Variants in TTC7A observed in about 807,000 individuals in gnomAD.
TTC7A encodes the protein tetratricopeptide repeat domain 7A.
TTC7A carries 110 observed loss-of-function variants against 103.7 expected under a neutral mutation model. The observed-to-expected ratio is 1.06, with a 90% confidence interval of 0.91 to 1.24. The LOEUF (loss-of-function observed/expected upper bound fraction) is 1.24. Among genes scored for constraint, TTC7A ranks in the 50% most tolerant of loss-of-function variants. TTC7A has a pLI of 0.00. For missense variants in TTC7A, 1,340 were observed against 1,116.3 expected, an observed-to-expected ratio of 1.20 and a Z score of -2.86; for synonymous variants, 521 against 467.9, an observed-to-expected ratio of 1.11 and a Z score of -1.47.
chr2:47,010,099 TAG>T (rs1209087977), intron 10 of TTC7A, among the ~76,000 whole-genome samples: 1 of 152,146 alleles, frequency 6.6e-6, no homozygotes, highest in Non-Finnish European at 1.5e-5. Context: ...ATCTGTAAAG[TAG>T]AGTCAGAGTA....
rs1164794848 is a variant in TTC7A, at chr2:47,007,226, T to TG, written c.1287+505dup. 6.6e-6 allele frequency among the ~76,000 whole-genome samples: 1 copy of TG among 152,028 alleles called. No individual in the cohort carries two copies. The highest frequency in any genetic ancestry group is 1.5e-5 in the Non-Finnish European group (1 of 68,004). ...GGGAGTACTGCATGATGCATGGGGCTGGGAGCACCTGCATGGGGACAGGGC... is the reference window on the plus strand; with the variant it reads ...GGGAGTACTGCATGATGCATGGGGCTGGGGAGCACCTGCATGGGGACAGGGC... On this transcript the variant is annotated intron_variant, in intron 10 of 19. Transcript: ENST00000319190. The surrounding 1 kb of genome is among the most constrained non-coding windows in gnomAD (Gnocchi z 4.9).
intron 3 of TTC7A, among the ~76,000 whole-genome samples, chr2:46,964,920 C>T (rs1193031400): frequency 6.6e-6 from 1 of 152,194 alleles, no homozygotes; most frequent in Non-Finnish European, 1.5e-5. Flanking sequence ...GGAGCACAGG[C>T]CCCTTGAGAA....
rs1209361011 is a variant in TTC7A, at chr2:47,075,292, T to TAG, written c.*1370_*1371insGA. The TAG allele has an allele frequency of 1.3e-5, 2 of 152,226 alleles. No individual in the cohort carries two copies. Among genetic ancestry groups the TAG allele is most frequent in the East Asian group, 3.8e-4 (2 of 5,198 alleles). 9.4% of individuals were successfully genotyped at this position (152,226 alleles called of 1,614,324 possible). A position where few individuals can be genotyped will look rare whatever the true frequency, so the allele number is the denominator to read the frequency against. On this transcript the variant is annotated 3_prime_UTR_variant, in exon 20 of 20. Coordinates refer to ENST00000319190, the MANE Select transcript of TTC7A (RefSeq NM_020458.4). ...TGAAGGATCTCTATGTATGTGTGTA[T>TAG]ATAAATATAGTTTTTTATCTATATA...
intron 5 of TTC7A, among the ~76,000 whole-genome samples, chr2:46,983,869 T>G: frequency 6.6e-6 from 1 of 152,176 alleles, no homozygotes; most frequent in East Asian, 1.9e-4. Context: ...CCCAAGGACC[T>G]GTATAGGCAC....
rs190203061 is a variant in TTC7A, at chr2:47,020,158, C to T, written c.1393-1704C>T. Among the ~76,000 whole-genome samples the T allele has an allele frequency of 5.2e-3, 794 of 152,240 alleles. 6 individuals carry two copies. Among genetic ancestry groups the T allele is most frequent in the Middle Eastern group, 0.024 (7 of 294 alleles). On this transcript the variant is annotated intron_variant, in intron 11 of 19. Transcript: ENST00000319190. ...AACCTCAGTGAAGGGCTGTGGGGAG[C>T]GGGGAGGAGCGGGGGTCCCACCTGC...
chr2:46,957,678 GCC>G lies in TTC7A; in HGVS notation c.517+672_517+673del, dbSNP rs556652365. 1.6e-3 allele frequency among the ~76,000 whole-genome samples: 238 copies of G among 152,292 alleles called. 1 individual carries two copies. Among genetic ancestry groups the G allele is most frequent in the African/African-American group, 5.5e-3 (227 of 41,564 alleles). On this transcript the variant is annotated intron_variant, in intron 3 of 19. Coordinates refer to ENST00000319190, the MANE Select transcript of TTC7A (RefSeq NM_020458.4). ...TGGACAGCCCAGCTGGGGGAATCGT[GCC>G]ATTTAACTGGACCCCAAATGTGTTC...
At chr2:47,036,159 G>A (rs1267781015) in intron 15 of TTC7A, among the ~76,000 whole-genome samples, 1 of 152,196 alleles carries the variant, frequency 6.6e-6, no homozygotes, top group Non-Finnish European at 1.5e-5. Context: ...GGCCAGTTGT[G>A]TCAGCCCAGA....
At chr2:47,071,640 G>C (rs1379049873) in intron 19 of TTC7A, among the ~76,000 whole-genome samples, 1 of 152,114 alleles carries the variant, frequency 6.6e-6, no homozygotes, top group Non-Finnish European at 1.5e-5. Context: ...GGCAGAGCTG[G>C]GATTCCAACC....
intron 8 of TTC7A, among the ~76,000 whole-genome samples, chr2:47,005,623 A>C (rs555749771): frequency 2.6e-5 from 4 of 152,224 alleles, no homozygotes; most frequent in Admixed American, 2.6e-4. Context: ...TTATGAGACT[A>C]TTCTTGCAAC....
intron 2 of TTC7A, among the ~76,000 whole-genome samples, chr2:46,931,535 A>G (rs923841304): frequency 2.0e-5 from 3 of 151,022 alleles, no homozygotes; most frequent in Non-Finnish European, 4.4e-5. Flanking sequence ...GAGTCAGAGT[A>G]GAGGTGCCCA....
At chr2:47,024,043 G>C (rs1388756696) in intron 13 of TTC7A, among the ~76,000 whole-genome samples, 1 of 151,820 alleles carries the variant, frequency 6.6e-6, no homozygotes, top group East Asian at 1.9e-4. Flanking sequence ...TGCCCTCCCA[G>C]ATGGCCCCTA....
intron 3 of TTC7A, among the ~76,000 whole-genome samples, chr2:46,971,659 G>T (rs1673368022): frequency 6.6e-6 from 1 of 151,742 alleles, no homozygotes; most frequent in Non-Finnish European, 1.5e-5. Context: ...TAAGGTAATA[G>T]GAAGAGAGGA....
intron 3 of TTC7A, among the ~76,000 whole-genome samples, chr2:46,966,040 C>T (rs1268276091): frequency 2.6e-5 from 4 of 152,154 alleles, no homozygotes; most frequent in African/African-American, 9.7e-5. Context: ...ACCTCCACCT[C>T]CCGGGTTCAA....
At chr2:47,056,111 G>C (rs1373721642) in intron 18 of TTC7A, among the ~76,000 whole-genome samples, 3 of 152,188 alleles carry the variant, frequency 2.0e-5, no homozygotes, top group African/African-American at 7.2e-5. Context: ...GAGGGTCTCA[G>C]ACCAACCTGA....
At position 46,933,730 on chromosome 2, in the gene TTC7A, G is replaced by A. The variant is rs938877233; in HGVS notation, c.82+16453G>A. ...GGCAGTTGTCATTGTGCTCTACTTCGCATATACTGATGATCTGAGTGGCTG... is the reference window on the plus strand; with the variant it reads ...GGCAGTTGTCATTGTGCTCTACTTCACATATACTGATGATCTGAGTGGCTG... On this transcript the variant is annotated intron_variant, in intron 2 of 20. Transcript: ENST00000409245. Among the ~76,000 whole-genome samples the A allele has an allele frequency of 4.6e-5, 7 of 152,156 alleles. 1 individual carries two copies. The highest frequency in any genetic ancestry group is 1.9e-4 in the East Asian group (1 of 5,194).
chr2:46,937,345 G>A (rs2103863056), upstream of TTC7A, among the ~76,000 whole-genome samples: 1 of 151,744 alleles, frequency 6.6e-6, no homozygotes, highest in South Asian at 2.1e-4. This position sits in a 1 kb window ranked among gnomAD's most constrained non-coding sequence, Gnocchi z 4.0. Flanking sequence ...CTTTCCTCCT[G>A]GCTGGCTAGA....
intron 12 of TTC7A, 150 bp downstream of exon 12, chr2:47,022,129 A>G (rs536952621): frequency 1.7e-6 from 1 of 597,402 alleles, no homozygotes; most frequent in Admixed American, 2.9e-5. Flanking sequence ...CCATGTGTGC[A>G]CACATACACA....
rs956026498 is a variant in TTC7A at position 47,007,576 on chromosome 2, G to A, written c.1287+852G>A. 5.9e-5 allele frequency among the ~76,000 whole-genome samples: 9 copies of A among 152,152 alleles called. No homozygotes were observed. The East Asian group carries it at 9.7e-4, about 16-fold the overall frequency. ...TGTGCCACGTTCCATTTCTGGCCCC[G>A]CAGCCGTCTCTGAGGAGGGCCCTCC... On this transcript the variant is annotated intron_variant, in intron 10 of 19. Transcript: ENST00000319190. This position sits in a 1 kb window ranked among gnomAD's most constrained non-coding sequence, Gnocchi z 4.9.
chr2:46,950,127 A>G lies in TTC7A; in HGVS notation c.185-236A>G, dbSNP rs141849306. 3.9e-3 allele frequency among the ~76,000 whole-genome samples: 596 copies of G among 152,314 alleles called. 3 individuals are homozygous for G. The highest frequency in any genetic ancestry group is 0.014 in the African/African-American group (574 of 41,564). Reference sequence around the variant, plus strand: ...TCCTGGGAACTCTGTCTTCCCAACCATTAAACTACAGCAGAAAATAAATCC... The same window carrying G: ...TCCTGGGAACTCTGTCTTCCCAACCGTTAAACTACAGCAGAAAATAAATCC... On this transcript the variant is annotated intron_variant, in intron 1 of 19. Transcript: ENST00000319190.
Sources: allele counts gnomAD v4.1 joint callset (sites outside exome capture counted in the v4.1 genomes callset), GRCh38; gene constraint gnomAD v4.1.1; non-coding constraint Gnocchi (gnomAD v3.1); transcripts MANE v1.5; gene names NCBI Gene and HGNC (gene_info 2026-07-23, HGNC 2026-07-21).